The following SHANK2 variants were observed in gnomAD, a reference collection of about 807,000 sequenced individuals.
SHANK2 encodes the protein SH3 and multiple ankyrin repeat domains 2.
A neutral mutation model predicts 133.7 loss-of-function variants in SHANK2; 43 were observed. The observed-to-expected ratio is 0.32, with a 90% CI of 0.25 to 0.41. SHANK2 has a LOEUF of 0.41. SHANK2 is among the 10% of genes least tolerant of loss of function. The pLI, the probability that SHANK2 is intolerant of heterozygous loss-of-function variation, is 1.00. For missense variants in SHANK2, 1,994 were observed against 2,235.8 expected (o/e 0.89, Z 2.18); for synonymous variants, 1,017 against 952.8 (o/e 1.07, Z -1.24).
rs2058817247 is a variant in SHANK2 at position 70,486,938 on chromosome 11, G to T, written c.3355C>A (p.Pro1119Thr). 5 of 1,612,420 alleles carry T rather than the reference G, an allele frequency of 3.1e-6. No homozygotes were observed. Among genetic ancestry groups the T allele is most frequent in the Non-Finnish European group, 4.2e-6 (5 of 1,179,738 alleles). Reference sequence around the variant, plus strand: ...GGGAACATGGAGGGCCGCGTCCTGGGGGCGGGTGGCCCCAGGCCCACATCC... The same window carrying T: ...GGGAACATGGAGGGCCGCGTCCTGGTGGCGGGTGGCCCCAGGCCCACATCC... ...DEDVGLGPPA[P>T]RTRPSMFPEE... Residue 1119 changes from proline (P) to threonine (T), a missense_variant, in exon 25 of 26, where the codon CCC becomes ACC. Pro to Thr is a conservative substitution (Grantham distance 38, BLOSUM62 -1). This residue lies in a region of SHANK2 where 797 missense variants were observed against 907.4 expected (regional missense o/e 0.88). Transcript: ENST00000601538. This position sits in a 1 kb window ranked among gnomAD's most constrained non-coding sequence, Gnocchi z 8.0.
chr11:71,250,070 T>C (rs1555125580), intron 1 of SHANK2, among the ~76,000 whole-genome samples: 1 of 152,126 alleles, frequency 6.6e-6, no homozygotes, highest in African/African-American at 2.4e-5. Context: ...TAGCAGACTG[T>C]ACTTGGAGAC....
Position 71,147,206 on chromosome 11 carries a change from CA to C in SHANK2, c.120del (p.Ala41ArgfsTer18). On this transcript the variant is annotated frameshift_variant, in exon 3 of 26. Coordinates refer to ENST00000601538, the MANE Select transcript of SHANK2 (RefSeq NM_012309.5). LOFTEE classifies it high-confidence loss of function. Reference sequence around the variant, plus strand: ...GTCCTGGCACCGCCCGGCTTCTCCGCAGTGGCCCGGATCGTGTCATAGATGG... The same window carrying C: ...GTCCTGGCACCGCCCGGCTTCTCCGCGTGGCCCGGATCGTGTCATAGATGG... The part of the protein sequence containing the change: ...EETIYDTIRA[T>X]AEKPGGARTE... The C allele has an allele frequency of 1.9e-6, 3 of 1,550,864 alleles. No individual in the cohort carries two copies. Among genetic ancestry groups the C allele is most frequent in the Non-Finnish European group, 2.6e-6 (3 of 1,146,960 alleles).
intron 17 of SHANK2, among the ~76,000 whole-genome samples, chr11:70,652,241 G>A (rs1416296830): frequency 2.6e-5 from 4 of 152,218 alleles, no homozygotes; most frequent in South Asian, 2.1e-4. Flanking sequence ...GGAGGCTGGC[G>A]GGTGGGGTGG....
intron 17 of SHANK2, among the ~76,000 whole-genome samples, chr11:70,538,193 C>A (rs566267970): frequency 6.6e-6 from 1 of 152,218 alleles, no homozygotes; most frequent in Non-Finnish European, 1.5e-5. Context: ...TCACCCCACC[C>A]GGGGGCTCCT....
intron 8 of SHANK2, among the ~76,000 whole-genome samples, chr11:71,081,344 A>G (rs1951298149): frequency 6.6e-6 from 1 of 152,180 alleles, no homozygotes; most frequent in African/African-American, 2.4e-5. Context: ...TGGGTCTACT[A>G]ATGTGTGCTG....
At chr11:70,612,990 G>A (rs2060682093) in intron 17 of SHANK2, among the ~76,000 whole-genome samples, 1 of 152,152 alleles carries the variant, frequency 6.6e-6, no homozygotes, top group African/African-American at 2.4e-5. Flanking sequence ...CTTGTTCACA[G>A]GCACTTGCAT....
intron 2 of SHANK2, among the ~76,000 whole-genome samples, chr11:71,170,781 A>G (rs979844978): frequency 9.9e-5 from 15 of 152,224 alleles, no homozygotes; most frequent in African/African-American, 3.6e-4. Context: ...AGGTGCCAGG[A>G]GGAAGCAGCT....
intron 1 of SHANK2, among the ~76,000 whole-genome samples, chr11:71,236,319 C>T (rs1158556858): frequency 6.6e-6 from 1 of 152,194 alleles, no homozygotes; most frequent in African/African-American, 2.4e-5. Flanking sequence ...CATCAAAACC[C>T]AACATGAGGG....
At position 70,487,374 on chromosome 11, in the gene SHANK2, C is replaced by T. The variant is rs1184202930; in HGVS notation, c.2919G>A (p.Pro973=). 1 of 1,614,074 alleles carries T rather than the reference C, an allele frequency of 6.2e-7. No homozygotes were observed. The highest frequency in any genetic ancestry group is 8.5e-7 in the Non-Finnish European group (1 of 1,180,022). ...CTCTCTTGTTGCGGAAGTTGGCTTG[C>T]GGGCCGGCATTCCGACTGTAGAGGT... The part of the protein sequence containing the change: ...SEDLYSRNAG[P]QANFRNKRGQ... The change falls in exon 25 of 26, where the codon CCG becomes CCA. Residue 973 remains proline (P), a synonymous_variant. Coordinates refer to ENST00000601538, the MANE Select transcript of SHANK2 (RefSeq NM_012309.5). This position sits in a 1 kb window ranked among gnomAD's most constrained non-coding sequence, Gnocchi z 5.8.
intron 25 of SHANK2, among the ~76,000 whole-genome samples, chr11:70,481,736 C>T (rs1339774018): frequency 6.6e-6 from 1 of 152,258 alleles, no homozygotes; most frequent in East Asian, 1.9e-4. Context: ...CCATTCACAG[C>T]TCTTAATTTT....
At chr11:70,938,866 A>G (rs1285267076) in intron 10 of SHANK2, among the ~76,000 whole-genome samples, 1 of 152,118 alleles carries the variant, frequency 6.6e-6, no homozygotes, top group Non-Finnish European at 1.5e-5. Context: ...TAACCGCCAC[A>G]CTCAGAGGGC....
intron 17 of SHANK2, among the ~76,000 whole-genome samples, chr11:70,510,696 C>A (rs2059193668): frequency 6.6e-6 from 1 of 152,174 alleles, no homozygotes; most frequent in African/African-American, 2.4e-5. Flanking sequence ...CTGTCTTCTA[C>A]CTTTAGAGGA....
intron 17 of SHANK2, among the ~76,000 whole-genome samples, chr11:70,557,164 ATTCATTC>A (rs1554979833): frequency 1.3e-5 from 2 of 151,938 alleles, no homozygotes; most frequent in Non-Finnish European, 2.9e-5. Context: ...TCATTCATTC[ATTCATTC>A]ATTCATTCAT....
intron 9 of SHANK2, among the ~76,000 whole-genome samples, chr11:71,058,226 G>A (rs1950945369): frequency 6.6e-6 from 1 of 152,158 alleles, no homozygotes; most frequent in Admixed American, 6.6e-5. Flanking sequence ...AAATGAATCT[G>A]CATCCATCCA....
chr11:71,131,274 G>C, intron 3 of SHANK2, among the ~76,000 whole-genome samples: 1 of 152,208 alleles, frequency 6.6e-6, no homozygotes, highest in East Asian at 1.9e-4. Context: ...ACCCCGGCAC[G>C]GGTAACACAC....
At chr11:71,107,450 G>C (rs1951818357) in intron 6 of SHANK2, among the ~76,000 whole-genome samples, 1 of 152,170 alleles carries the variant, frequency 6.6e-6, no homozygotes, top group Non-Finnish European at 1.5e-5. Flanking sequence ...TGGTCTTTGT[G>C]ATCAGTAAAC....
chr11:70,738,696 A>T (rs1946460051), intron 14 of SHANK2, among the ~76,000 whole-genome samples: 1 of 152,104 alleles, frequency 6.6e-6, no homozygotes, highest in South Asian at 2.1e-4. Flanking sequence ...TATAACCCCC[A>T]TCAGTGCTGA....
intron 17 of SHANK2, among the ~76,000 whole-genome samples, chr11:70,539,201 G>C (rs1417723583): frequency 6.6e-6 from 1 of 152,174 alleles, no homozygotes; most frequent in African/African-American, 2.4e-5. Context: ...GTGCACGGCC[G>C]ACCCCAGGAT....
chr11:70,712,407 G>A (rs564340339), intron 14 of SHANK2, among the ~76,000 whole-genome samples: 23 of 152,228 alleles, frequency 1.5e-4, no homozygotes, highest in South Asian at 4.1e-4. Flanking sequence ...TCTGGGGGCC[G>A]CTATTGTGCC....
Sources: gnomAD v4.1 joint callset for allele counts (sites outside exome capture counted in the v4.1 genomes callset) on GRCh38, gnomAD v4.1.1 for gene constraint, gnomAD v4.1.1 regional missense constraint, Gnocchi (gnomAD v3.1) non-coding constraint, MANE v1.5 for transcripts, NCBI Gene and HGNC (gene_info 2026-07-23, HGNC 2026-07-21) for gene names.